SUMF1: variants seen among roughly 807,000 people sequenced by gnomAD.
SUMF1 encodes the protein sulfatase modifying factor 1, also known as formylglycine-generating enzyme.
In SUMF1, 48 loss-of-function variants were observed where a neutral mutation model predicts 47.6. The ratio of observed to expected loss-of-function variants is 1.01; its 90% CI spans 0.80 to 1.28. SUMF1 has a LOEUF of 1.28. SUMF1 is among the 50% of genes most tolerant of loss of function. SUMF1 has a pLI of 0.00. For synonymous variants in SUMF1, 230 were observed against 192.1 expected, an observed-to-expected ratio of 1.20 and a Z score of -1.63; for missense variants, 571 against 485.4, an observed-to-expected ratio of 1.18 and a Z score of -1.66.
intron 8 of SUMF1, among the ~76,000 whole-genome samples, chr3:4,325,444 A>T (rs909127918): frequency 2.3e-4 from 35 of 152,266 alleles, no homozygotes; most frequent in African/African-American, 8.4e-4. Flanking sequence ...AGCAAAGGGA[A>T]AGCAATTCTG....
At chr3:4,128,094 A>C (rs1334091401) in intron 8 of SUMF1, among the ~76,000 whole-genome samples, 3 of 152,120 alleles carry the variant, frequency 2.0e-5, no homozygotes, top group African/African-American at 4.8e-5. Flanking sequence ...GAACTCAGGG[A>C]TTCTATCTCC....
At chr3:4,406,139 C>T (rs922860992) in intron 7 of SUMF1, among the ~76,000 whole-genome samples, 4 of 151,714 alleles carry the variant, frequency 2.6e-5, no homozygotes, top group African/African-American at 7.3e-5. Flanking sequence ...ATAGCCAAAA[C>T]ATAATATAAA....
At chr3:4,402,072 T>G (rs1031066545) in intron 7 of SUMF1, among the ~76,000 whole-genome samples, 2 of 152,162 alleles carry the variant, frequency 1.3e-5, no homozygotes, top group Non-Finnish European at 2.9e-5. Flanking sequence ...CTCCCCTCAC[T>G]GCATTTACTT....
At chr3:4,366,229 T>C (rs1285906413) in intron 8 of SUMF1, among the ~76,000 whole-genome samples, 97 of 152,122 alleles carry the variant, frequency 6.4e-4, no homozygotes, top group Admixed American at 2.4e-3. Context: ...ATCTTTGTGG[T>C]GTTCTCTGTA....
At chr3:4,098,332 G>A (rs1692952415) in intron 8 of SUMF1, among the ~76,000 whole-genome samples, 1 of 152,016 alleles carries the variant, frequency 6.6e-6, no homozygotes, top group South Asian at 2.1e-4. Context: ...GTAGACTCAG[G>A]ACCAGCATAC....
intron 8 of SUMF1, among the ~76,000 whole-genome samples, chr3:4,129,803 G>C (rs1265439137): frequency 6.6e-6 from 1 of 152,112 alleles, no homozygotes; most frequent in African/African-American, 2.4e-5. Context: ...ATGGAGCTTA[G>C]GTAATTAATG....
chr3:4,264,727 G>T (rs535086226), intron 8 of SUMF1, among the ~76,000 whole-genome samples: 2 of 152,236 alleles, frequency 1.3e-5, no homozygotes, highest in East Asian at 1.9e-4. Context: ...TGTCAGGGGA[G>T]GATAGCCTGG....
chr3:4,456,728 G>T (rs1226932948), intron 1 of SUMF1, among the ~76,000 whole-genome samples: 1 of 108,832 alleles, frequency 9.2e-6, no homozygotes, highest in Admixed American at 9.8e-5. Flanking sequence ...ATATATATAC[G>T]TGTGTATATA....
Position 4,253,298 on chromosome 3 carries a change from C to T in SUMF1, c.1014+123032G>A, listed in dbSNP as rs557508215. Among the ~76,000 whole-genome samples, 12 of 152,286 alleles carry T rather than the reference C, an allele frequency of 7.9e-5. No homozygotes were observed. The East Asian group carries it at 2.3e-3, about 29-fold the overall frequency. ...TAGGAACAGCTCCGGTCTACAGCTCCCAGCGTGAGTGACGCAGAAGACAGG... is the reference window on the plus strand; with the variant it reads ...TAGGAACAGCTCCGGTCTACAGCTCTCAGCGTGAGTGACGCAGAAGACAGG... On this transcript the variant is annotated intron_variant and NMD_transcript_variant, in intron 8 of 12. Coordinates refer to the SUMF1 transcript ENST00000448413.
intron 8 of SUMF1, among the ~76,000 whole-genome samples, chr3:4,140,679 CTACTT>C (rs1694050607): frequency 1.3e-5 from 2 of 151,942 alleles, no homozygotes; most frequent in African/African-American, 4.8e-5. Context: ...CAATGTGACA[CTACTT>C]TATGTAGTAT....
At chr3:4,333,820 A>ATTT (rs34421929) in intron 8 of SUMF1, among the ~76,000 whole-genome samples, 1 of 148,356 alleles carries the variant, frequency 6.7e-6, no homozygotes, top group Non-Finnish European at 1.5e-5. Context: ...TAAGCACATA[A>ATTT]TTTTTTTTTT....
chr3:4,182,901 C>G (rs575342511), intron 8 of SUMF1, among the ~76,000 whole-genome samples: 1 of 152,088 alleles, frequency 6.6e-6, no homozygotes, highest in East Asian at 1.9e-4. Flanking sequence ...AAGTTGGACA[C>G]TCAGCTCAGG....
At chr3:4,455,121 A>G (rs34501098) in intron 1 of SUMF1, among the ~76,000 whole-genome samples, 263 of 152,338 alleles carry the variant, frequency 1.7e-3, no homozygotes, top group Middle Eastern at 6.8e-3. Flanking sequence ...CAACCATACC[A>G]TCTGTCAGAA....
At chr3:4,330,210 T>A (rs113617164) in intron 8 of SUMF1, among the ~76,000 whole-genome samples, 1,694 of 152,298 alleles carry the variant, frequency 0.011, 22 homozygotes, top group African/African-American at 0.037. Flanking sequence ...TCCAAACTGT[T>A]CCAACCTCTG....
intron 8 of SUMF1, among the ~76,000 whole-genome samples, chr3:4,103,985 C>A (rs1398840604): frequency 6.6e-6 from 1 of 152,114 alleles, no homozygotes; most frequent in Non-Finnish European, 1.5e-5. Context: ...GTCTTTACAT[C>A]CTATATCTAA....
At position 4,251,209 on chromosome 3, in the gene SUMF1, T is replaced by TCCA. The variant is rs1281067445; in HGVS notation, c.1014+125118_1014+125120dup. ...AAACTTCGTGGATGATTTTGTGAAG[T>TCCA]CCAAGACTTCAGTGGAGGAAGTAAC... On this transcript the variant is annotated intron_variant and NMD_transcript_variant, in intron 8 of 12. Transcript: ENST00000448413. Among the ~76,000 whole-genome samples, 6 of 152,282 alleles carry TCCA rather than the reference T, an allele frequency of 3.9e-5. No individual in the cohort carries two copies. In the East Asian group the frequency reaches 1.2e-3, roughly 29 times the overall value.
chr3:4,382,018 C>A (rs1382520318), intron 7 of SUMF1, among the ~76,000 whole-genome samples: 1 of 152,066 alleles, frequency 6.6e-6, no homozygotes, highest in Non-Finnish European at 1.5e-5. Context: ...AGCACTACAG[C>A]CTAGACAACA....
At position 4,362,110 on chromosome 3, in the gene SUMF1, T is replaced by G; in HGVS notation, c.*34A>C. ...AAGCCCAATGTAGGTCAGACACGAC[T>G]GCTCCTTGGACTGGGGAAGACTTTC... On this transcript the variant is annotated 3_prime_UTR_variant, in exon 9 of 9. Coordinates refer to ENST00000272902, the MANE Select transcript of SUMF1 (RefSeq NM_182760.4). The G allele has an allele frequency of 6.3e-7, 1 of 1,596,408 alleles. No individual in the cohort carries two copies. Among genetic ancestry groups the G allele is most frequent in the Non-Finnish European group, 8.6e-7 (1 of 1,164,496 alleles).
intron 8 of SUMF1, among the ~76,000 whole-genome samples, chr3:4,128,241 A>G (rs1693702682): frequency 6.6e-6 from 1 of 152,170 alleles, no homozygotes; most frequent in Non-Finnish European, 1.5e-5. Context: ...CCTGCAACAA[A>G]AGTTGCACGC....
Sources: allele counts gnomAD v4.1 joint callset (sites outside exome capture counted in the v4.1 genomes callset), GRCh38; gene constraint gnomAD v4.1.1; transcripts MANE v1.5; gene names NCBI Gene and HGNC (gene_info 2026-07-23, HGNC 2026-07-21).